The following TMTC2 variants were observed in gnomAD, a reference collection of about 807,000 sequenced individuals.
TMTC2 encodes the protein transmembrane O-mannosyltransferase targeting cadherins 2.
A neutral mutation model predicts 82.4 loss-of-function variants in TMTC2; 43 were observed. That is an observed-to-expected ratio of 0.52 (90% CI 0.41 to 0.67). The LOEUF (loss-of-function observed/expected upper bound fraction) is 0.67, where lower values mean the gene tolerates loss of function less well. TMTC2 is among the 30% of genes least tolerant of loss of function. The pLI is 0.00. For missense variants in TMTC2, 919 were observed against 1,012.4 expected, an observed-to-expected ratio of 0.91 and a Z score of 1.25; for synonymous variants, 408 against 381.9, an observed-to-expected ratio of 1.07 and a Z score of -0.80.
At chr12:82,738,557 A>G (rs1875232873) in intron 1 of TMTC2, among the ~76,000 whole-genome samples, 4 of 152,192 alleles carry the variant, frequency 2.6e-5, no homozygotes, top group African/African-American at 7.2e-5. Flanking sequence ...TTATAGTAGT[A>G]TTCAGGTGTT....
At chr12:83,109,167 C>A (rs1309783762) in intron 11 of TMTC2, among the ~76,000 whole-genome samples, 2 of 152,108 alleles carry the variant, frequency 1.3e-5, no homozygotes, top group Non-Finnish European at 2.9e-5. Flanking sequence ...TTAATTGGCT[C>A]ACAGTTTCAC....
intron 1 of TMTC2, among the ~76,000 whole-genome samples, chr12:82,833,282 C>T (rs1272391274): frequency 6.6e-6 from 1 of 152,140 alleles, no homozygotes; most frequent in African/African-American, 2.4e-5. Context: ...AAAGTAGGTG[C>T]TAAAGCCAGG....
intron 11 of TMTC2, among the ~76,000 whole-genome samples, chr12:83,087,808 AGAG>A (rs796452861): frequency 6.6e-6 from 1 of 152,088 alleles, no homozygotes; most frequent in South Asian, 2.1e-4. Context: ...ATAGAGCACA[AGAG>A]GAGATTTAGT....
At chr12:82,742,833 A>G (rs1368681173) in intron 1 of TMTC2, among the ~76,000 whole-genome samples, 2 of 152,054 alleles carry the variant, frequency 1.3e-5, no homozygotes, top group East Asian at 1.9e-4. Flanking sequence ...TATATCCTGT[A>G]TATTCTTCAT....
At chr12:82,871,146 A>G (rs1339493519) in intron 2 of TMTC2, among the ~76,000 whole-genome samples, 1 of 152,184 alleles carries the variant, frequency 6.6e-6, no homozygotes, top group Non-Finnish European at 1.5e-5. Context: ...GTTCCATTCT[A>G]TGAAAGCATT....
intron 11 of TMTC2, among the ~76,000 whole-genome samples, chr12:83,110,770 C>T (rs1592499130): frequency 6.6e-6 from 1 of 152,312 alleles, no homozygotes. Context: ...TGTCTTTAAC[C>T]TGGGAATCCT....
chr12:82,980,258 G>A lies in TMTC2; in HGVS notation c.1949-5667G>A, dbSNP rs186469496. On this transcript the variant is annotated intron_variant, in intron 7 of 11. Coordinates refer to ENST00000321196, the MANE Select transcript of TMTC2 (RefSeq NM_152588.3). ...ACAAATTAAAAGTAACCTATAAAAG[G>A]GAACTTATCATAGCAAACCTTAAAA... Among the ~76,000 whole-genome samples the A allele has an allele frequency of 2.4e-3, 362 of 151,408 alleles. 1 individual carries two copies. The highest frequency in any genetic ancestry group is 8.3e-3 in the African/African-American group (342 of 41,362).
intron 8 of TMTC2, among the ~76,000 whole-genome samples, chr12:83,009,980 G>C (rs549667230): frequency 6.6e-6 from 1 of 152,276 alleles, no homozygotes. Flanking sequence ...ACAGGAGATG[G>C]AGCTCAAGTA....
chr12:82,753,526 C>T (rs1237066400), intron 1 of TMTC2, among the ~76,000 whole-genome samples: 4 of 152,024 alleles, frequency 2.6e-5, no homozygotes, highest in African/African-American at 4.8e-5. Flanking sequence ...TATTGGGTGG[C>T]TTAATGGTTT....
chr12:83,095,090 G>A (rs539066101), intron 11 of TMTC2, among the ~76,000 whole-genome samples: 2 of 152,196 alleles, frequency 1.3e-5, no homozygotes, highest in Non-Finnish European at 2.9e-5. Flanking sequence ...AGCTTACAAG[G>A]GAATTATTCA....
At chr12:83,122,682 G>A (rs1277184945) in intron 11 of TMTC2, among the ~76,000 whole-genome samples, 2 of 152,150 alleles carry the variant, frequency 1.3e-5, no homozygotes, top group Non-Finnish European at 2.9e-5. Context: ...GGTGTCTCCC[G>A]TGTCCTGCGG....
intron 11 of TMTC2, among the ~76,000 whole-genome samples, chr12:83,071,392 C>T (rs764608875): frequency 3.3e-5 from 5 of 152,124 alleles, no homozygotes; most frequent in African/African-American, 4.8e-5. Flanking sequence ...CTCCTGACCT[C>T]GTGATCCACC....
chr12:82,866,255 A>C lies in TMTC2; in HGVS notation c.654+8675A>C, dbSNP rs12302790. On this transcript the variant is annotated intron_variant, in intron 2 of 11. Coordinates refer to ENST00000321196, the MANE Select transcript of TMTC2 (RefSeq NM_152588.3). Reference sequence around the variant, plus strand: ...TTTTTTGAAAAGATCAAAAAAAAAAAAAAAAAAACAAAAAACTTTCTTTCT... The same window carrying C: ...TTTTTTGAAAAGATCAAAAAAAAAACAAAAAAAACAAAAAACTTTCTTTCT... Among the ~76,000 whole-genome samples, 31 of 150,052 alleles carry C rather than the reference A, an allele frequency of 2.1e-4. 2 individuals carry two copies. The highest frequency in any genetic ancestry group is 7.1e-4 in the African/African-American group (28 of 39,618).
intron 9 of TMTC2, among the ~76,000 whole-genome samples, chr12:83,037,413 AT>A (rs1273389079): frequency 9.2e-5 from 14 of 152,316 alleles, no homozygotes; most frequent in Admixed American, 3.3e-4. Flanking sequence ...GAACCAAATA[AT>A]ATTGCCTTAA....
intron 1 of TMTC2, among the ~76,000 whole-genome samples, chr12:82,737,505 G>T (rs1875185909): frequency 6.6e-6 from 1 of 152,136 alleles, no homozygotes; most frequent in Admixed American, 6.5e-5. Context: ...AAAAATAGCT[G>T]CATTATTAAT....
chr12:82,825,890 T>G (rs1333511703), intron 1 of TMTC2, among the ~76,000 whole-genome samples: 1 of 151,516 alleles, frequency 6.6e-6, no homozygotes, highest in African/African-American at 2.4e-5. Flanking sequence ...TCTCACACAG[T>G]GTCAGATTGC....
chr12:83,019,673 A>G (rs1015211155), intron 8 of TMTC2, among the ~76,000 whole-genome samples: 1 of 151,918 alleles, frequency 6.6e-6, no homozygotes, highest in Non-Finnish European at 1.5e-5. Flanking sequence ...CACCCTTGCT[A>G]CTCCATCCAC....
chr12:82,692,263 A>G (rs561587720), intron 1 of TMTC2, among the ~76,000 whole-genome samples: 3 of 152,292 alleles, frequency 2.0e-5, no homozygotes, highest in East Asian at 1.9e-4. Context: ...TGGTGATTCT[A>G]TGGGCTTTTG....
At chr12:83,081,819 A>T (rs1883481647) in intron 11 of TMTC2, among the ~76,000 whole-genome samples, 1 of 152,150 alleles carries the variant, frequency 6.6e-6, no homozygotes, top group Non-Finnish European at 1.5e-5. Flanking sequence ...CAGGAGCATC[A>T]CTGGGGTCCA....
Sources: gnomAD v4.1 joint callset for allele counts (sites outside exome capture counted in the v4.1 genomes callset) on GRCh38, gnomAD v4.1.1 for gene constraint, MANE v1.5 for transcripts, NCBI Gene and HGNC (gene_info 2026-07-23, HGNC 2026-07-21) for gene names.